The following GLIS1 variants were observed in gnomAD, a reference collection of about 807,000 sequenced individuals.
GLIS1 encodes GLIS family zinc finger 1.
A neutral mutation model predicts 63.8 loss-of-function variants in GLIS1; 24 were observed. That is an observed-to-expected ratio of 0.38 (90% CI 0.27 to 0.53). The LOEUF (loss-of-function observed/expected upper bound fraction) is 0.53, where lower values mean the gene tolerates loss of function less well. GLIS1 is among the 20% of genes least tolerant of loss of function. The probability of loss-of-function intolerance (pLI) is 0.85; values close to 1 mark genes in which losing one functional copy is unlikely to be tolerated. For missense variants in GLIS1, 1,036 were observed against 1,074.1 expected, an observed-to-expected ratio of 0.96 and a Z score of 0.50; for synonymous variants, 450 against 482.5, an observed-to-expected ratio of 0.93 and a Z score of 0.88.
At chr1:53,583,093 A>C (rs1246786381) in intron 4 of GLIS1, among the ~76,000 whole-genome samples, 1 of 152,208 alleles carries the variant, frequency 6.6e-6, no homozygotes, top group Admixed American at 6.5e-5. Flanking sequence ...ATACACTCAC[A>C]TTTAAATGTG....
At chr1:53,557,346 T>C (rs1243190279) in intron 4 of GLIS1, among the ~76,000 whole-genome samples, 1 of 152,140 alleles carries the variant, frequency 6.6e-6, no homozygotes, top group Non-Finnish European at 1.5e-5. Flanking sequence ...AACTGAGGCA[T>C]GGAGCATTGT....
chr1:53,737,904 A>G lies in GLIS1; in HGVS notation c.161T>C (p.Leu54Pro). The G allele has an allele frequency of 8.1e-7, 1 of 1,230,386 alleles. No homozygotes were observed. The highest frequency in any genetic ancestry group is 1.0e-6 in the Non-Finnish European group (1 of 987,058). The allele number at this position is 1,230,386 out of a possible 1,614,324, so 76.2% of individuals were successfully genotyped here. A position where few individuals can be genotyped will look rare whatever the true frequency, so the allele number is the denominator to read the frequency against. Reference protein sequence around the residue: ...GCGDRGPRDLLARPPAPPPRA... With the variant: ...GCGDRGPRDLPARPPAPPPRA... ...CGGTGGCGGCGCAGGCGGCCGGGCTAGCAGGTCCCGCGGGCCCCTGTCCCC... is the reference window on the plus strand; with the variant it reads ...CGGTGGCGGCGCAGGCGGCCGGGCTGGCAGGTCCCGCGGGCCCCTGTCCCC... The change falls in exon 2 of 11, where the codon CTA (leucine) becomes CCA (proline). Residue 54 changes from leucine (L) to proline (P), a missense_variant. Transcript: ENST00000628545.
At chr1:53,541,655 CA>C (rs1644644369) in intron 4 of GLIS1, among the ~76,000 whole-genome samples, 1 of 152,230 alleles carries the variant, frequency 6.6e-6, no homozygotes, top group South Asian at 2.1e-4. Flanking sequence ...CACACACACA[CA>C]AACCAAAGGA....
intron 8 of GLIS1, among the ~76,000 whole-genome samples, chr1:53,513,157 C>T (rs1644315077): frequency 6.6e-6 from 1 of 152,126 alleles, no homozygotes; most frequent in African/African-American, 2.4e-5. Flanking sequence ...CAGCTCATCC[C>T]TGAGGCCTCC....
intron 2 of GLIS1, among the ~76,000 whole-genome samples, chr1:53,701,925 A>G (rs1646526854): frequency 6.7e-6 from 1 of 149,206 alleles, no homozygotes; most frequent in Non-Finnish European, 1.5e-5. Flanking sequence ...CCCGAGAGGC[A>G]GAGGTTGCAC....
intron 3 of GLIS1, among the ~76,000 whole-genome samples, chr1:53,597,176 TAAAAAAAAAAAAAAAAA>T (rs57607550): frequency 0.017 from 331 of 19,354 alleles, 7 homozygotes; most frequent in Middle Eastern, 0.077. Flanking sequence ...CTGTCTCTAC[TAAAAAAAAAAAAAAAAA>T]AAAAAAAAAA....
chr1:53,538,834 A>G (rs1644609237), intron 4 of GLIS1, among the ~76,000 whole-genome samples: 1 of 152,176 alleles, frequency 6.6e-6, no homozygotes, highest in Non-Finnish European at 1.5e-5. Context: ...TGTCTGGGCA[A>G]GAAATGGGTT....
chr1:53,657,509 G>A (rs190192344), intron 2 of GLIS1, among the ~76,000 whole-genome samples: 67 of 152,290 alleles, frequency 4.4e-4, no homozygotes, highest in Non-Finnish European at 7.9e-4. Context: ...TGCCTGTTAT[G>A]AGCCTGCCTT....
rs1364514958 is a variant in GLIS1 at position 53,532,434 on chromosome 1, G to A, written c.1321-2482C>T. Among the ~76,000 whole-genome samples, 12 of 152,340 alleles carry A rather than the reference G, an allele frequency of 7.9e-5. 1 individual carries two copies. The East Asian group carries it at 1.5e-3, about 20-fold the overall frequency. Reference sequence around the variant, plus strand: ...GGAAGCCCAGTCACAACTTGGGGCCGTGCTCTGCTGGGGCGGGTCCAAGGC... The same window carrying A: ...GGAAGCCCAGTCACAACTTGGGGCCATGCTCTGCTGGGGCGGGTCCAAGGC... On this transcript the variant is annotated intron_variant, in intron 4 of 10. Transcript: ENST00000628545.
chr1:53,652,178 G>A (rs1645916193), intron 2 of GLIS1, among the ~76,000 whole-genome samples: 1 of 152,226 alleles, frequency 6.6e-6, no homozygotes. Context: ...GTGTGTCCCT[G>A]TATGTAATGA....
chr1:53,591,203 G>T (rs1438454598), intron 4 of GLIS1, among the ~76,000 whole-genome samples: 1 of 152,210 alleles, frequency 6.6e-6, no homozygotes, highest in Non-Finnish European at 1.5e-5. Context: ...TTACAGGGAA[G>T]GGAGATTTTA....
chr1:53,691,466 G>T (rs1646404418), intron 2 of GLIS1, among the ~76,000 whole-genome samples: 1 of 152,176 alleles, frequency 6.6e-6, no homozygotes. Flanking sequence ...CAGAATCACT[G>T]GAGATGATGA....
intron 4 of GLIS1, among the ~76,000 whole-genome samples, chr1:53,551,465 G>A (rs1644758878): frequency 6.6e-6 from 1 of 152,116 alleles, no homozygotes; most frequent in South Asian, 2.1e-4. Context: ...GCAGAACTGT[G>A]GGTCTCAGAC....
At chr1:53,608,096 G>C (rs980914462) in intron 2 of GLIS1, among the ~76,000 whole-genome samples, 1 of 151,918 alleles carries the variant, frequency 6.6e-6, no homozygotes, top group Non-Finnish European at 1.5e-5. Flanking sequence ...CAAGTAGCTA[G>C]GAAGGACTAC....
At chr1:53,624,635 G>T (rs1645577037) in intron 2 of GLIS1, among the ~76,000 whole-genome samples, 1 of 151,698 alleles carries the variant, frequency 6.6e-6, no homozygotes, top group African/African-American at 2.4e-5. Context: ...TGAACTCCTG[G>T]GCTCAAGTGA....
chr1:53,541,953 A>G (rs1478581083), intron 4 of GLIS1, among the ~76,000 whole-genome samples: 1 of 152,210 alleles, frequency 6.6e-6, no homozygotes, highest in Non-Finnish European at 1.5e-5. Context: ...GTGGCCAGTG[A>G]TGATGGCACC....
At chr1:53,679,275 G>C (rs560492294) in intron 2 of GLIS1, among the ~76,000 whole-genome samples, 37 of 152,294 alleles carry the variant, frequency 2.4e-4, no homozygotes, top group Non-Finnish European at 4.4e-4. Context: ...TGTGGGAGCT[G>C]GGCCTGCAAT....
intron 2 of GLIS1, among the ~76,000 whole-genome samples, chr1:53,633,297 G>A (rs1169119276): frequency 3.4e-5 from 5 of 146,250 alleles, no homozygotes; most frequent in African/African-American, 1.3e-4. Flanking sequence ...GCTGAGGGGC[G>A]TGTGAATGAG....
rs181914579 is a variant in GLIS1, at chr1:53,539,082, G to A, written c.1321-9130C>T. Among the ~76,000 whole-genome samples the A allele has an allele frequency of 3.8e-4, 58 of 152,078 alleles. No homozygotes were observed. Among genetic ancestry groups the A allele is most frequent in the African/African-American group, 1.2e-3 (51 of 41,436 alleles). ...AGGCTCTGCCAGGGGCCAGGGCTCC[G>A]CAGAGAGCACACAGCATAGAATGGC... On this transcript the variant is annotated intron_variant, in intron 4 of 10. Coordinates refer to ENST00000628545, the MANE Select transcript of GLIS1 (RefSeq NM_001367484.1). This position sits in a 1 kb window ranked among gnomAD's most constrained non-coding sequence, Gnocchi z 5.0.
Sources: allele counts gnomAD v4.1 joint callset (sites outside exome capture counted in the v4.1 genomes callset), GRCh38; gene constraint gnomAD v4.1.1; non-coding constraint Gnocchi (gnomAD v3.1); transcripts MANE v1.5; gene names NCBI Gene and HGNC (gene_info 2026-07-23, HGNC 2026-07-21).